LRRC4C: variants seen among roughly 807,000 people sequenced by gnomAD.
LRRC4C encodes the protein leucine rich repeat containing 4C, also known as leucine-rich repeat-containing protein 4C.
Under a neutral mutation model 33.6 loss-of-function variants are expected in LRRC4C, and 5 were observed. The ratio of observed to expected loss-of-function variants is 0.15; its 90% CI spans 0.08 to 0.31. The LOEUF (loss-of-function observed/expected upper bound fraction) is 0.31. Among genes scored for constraint, LRRC4C ranks in the 10% least tolerant of loss-of-function variants. LRRC4C has a pLI of 1.00. For synonymous variants in LRRC4C, 329 were observed against 302.0 expected (o/e 1.09, Z -0.93); for missense variants, 560 against 796.7 (o/e 0.70, Z 3.58).
At chr11:41,390,271 AAG>A (rs1390998732) in intron 1 of LRRC4C, among the ~76,000 whole-genome samples, 1 of 151,926 alleles carries the variant, frequency 6.6e-6, no homozygotes, top group South Asian at 2.1e-4. Flanking sequence ...ACAGGGCACT[AAG>A]AGGGATAAAT....
At chr11:40,914,611 G>A (rs1199488370) in intron 2 of LRRC4C, among the ~76,000 whole-genome samples, 1 of 152,034 alleles carries the variant, frequency 6.6e-6, no homozygotes, top group African/African-American at 2.4e-5. Flanking sequence ...GGCAAAAACT[G>A]GAAGCATTCC....
chr11:40,285,792 G>A (rs1030758325), intron 4 of LRRC4C, among the ~76,000 whole-genome samples: 11 of 152,128 alleles, frequency 7.2e-5, no homozygotes, highest in Non-Finnish European at 1.5e-4. Context: ...TTACATAATA[G>A]TGAACTGCTA....
At chr11:40,685,554 GAAT>G (rs1485030371) in intron 2 of LRRC4C, among the ~76,000 whole-genome samples, 3 of 151,690 alleles carry the variant, frequency 2.0e-5, no homozygotes, top group African/African-American at 7.3e-5. Flanking sequence ...AAAACACACA[GAAT>G]AATAATATAT....
At chr11:40,941,428 T>C (rs1298356494) in intron 1 of LRRC4C, among the ~76,000 whole-genome samples, 1 of 152,200 alleles carries the variant, frequency 6.6e-6, no homozygotes, top group Non-Finnish European at 1.5e-5. Flanking sequence ...GTGCTCAAAG[T>C]GATTAATCAA....
At chr11:41,122,007 A>C (rs910493080) in intron 1 of LRRC4C, among the ~76,000 whole-genome samples, 1 of 152,186 alleles carries the variant, frequency 6.6e-6, no homozygotes, top group Admixed American at 6.5e-5. Flanking sequence ...GGATAAATAA[A>C]GAAAAATGTA....
At chr11:40,541,589 T>C (rs1956710574) in intron 3 of LRRC4C, among the ~76,000 whole-genome samples, 1 of 152,172 alleles carries the variant, frequency 6.6e-6, no homozygotes. Flanking sequence ...GTCCCAATGT[T>C]CTGCTGCAAT....
chr11:40,960,211 G>A (rs1310185267), intron 1 of LRRC4C, among the ~76,000 whole-genome samples: 1 of 151,662 alleles, frequency 6.6e-6, no homozygotes, highest in Non-Finnish European at 1.5e-5. Flanking sequence ...CTATAAAAAT[G>A]TATTTTTAAA....
chr11:40,680,175 C>T lies in LRRC4C; in HGVS notation c.-406-31897G>A, dbSNP rs374953369. ...GGGGCCTTTAGCCTTTAAGCTTCGG[C>T]CAATTTCTCCCATTTGCAATGGCTG... On this transcript the variant is annotated intron_variant, in intron 2 of 6. Coordinates refer to ENST00000528697, the MANE Select transcript of LRRC4C (RefSeq NM_001258419.2). Among the ~76,000 whole-genome samples, 13 of 152,286 alleles carry T rather than the reference C, an allele frequency of 8.5e-5. No homozygotes were observed. In the East Asian group the frequency reaches 1.4e-3, roughly 16 times the overall value.
At chr11:40,118,810 T>C (rs190867079) in intron 6 of LRRC4C, among the ~76,000 whole-genome samples, 1 of 152,304 alleles carries the variant, frequency 6.6e-6, no homozygotes, top group Non-Finnish European at 1.5e-5. Flanking sequence ...AATTTTATAG[T>C]GCAGGCAACA....
chr11:40,406,108 A>AAT (rs1949954767), intron 3 of LRRC4C, among the ~76,000 whole-genome samples: 1 of 152,118 alleles, frequency 6.6e-6, no homozygotes, highest in Admixed American at 6.6e-5. Flanking sequence ...AACTTTATTC[A>AAT]AATAGCCTCT....
At chr11:40,928,007 T>C (rs1256097131) in intron 2 of LRRC4C, among the ~76,000 whole-genome samples, 1 of 152,138 alleles carries the variant, frequency 6.6e-6, no homozygotes, top group Non-Finnish European at 1.5e-5. Flanking sequence ...CCATAACTTT[T>C]ATGACCTAAA....
chr11:40,864,006 T>C (rs1230309277), intron 2 of LRRC4C, among the ~76,000 whole-genome samples: 1 of 152,060 alleles, frequency 6.6e-6, no homozygotes, highest in African/African-American at 2.4e-5. Context: ...AATAATTATA[T>C]TGATGGCAAA....
At chr11:40,740,409 G>A (rs1240721173) in intron 2 of LRRC4C, among the ~76,000 whole-genome samples, 2 of 151,734 alleles carry the variant, frequency 1.3e-5, no homozygotes, top group Non-Finnish European at 2.9e-5. Context: ...TGTTGTTGAG[G>A]AATTTTTAAT....
At chr11:40,668,922 C>T (rs1591420920) in intron 2 of LRRC4C, among the ~76,000 whole-genome samples, 1 of 152,122 alleles carries the variant, frequency 6.6e-6, no homozygotes. Context: ...GACAGAGCAT[C>T]AGTGATAACT....
intron 2 of LRRC4C, among the ~76,000 whole-genome samples, chr11:40,830,853 C>A (rs1225179562): frequency 6.6e-6 from 1 of 152,056 alleles, no homozygotes; most frequent in Non-Finnish European, 1.5e-5. Context: ...CTGAATTGAT[C>A]TATGGCAAAG....
chr11:40,676,506 C>T (rs938320639), intron 2 of LRRC4C, among the ~76,000 whole-genome samples: 2 of 152,142 alleles, frequency 1.3e-5, no homozygotes, highest in Non-Finnish European at 2.9e-5. Flanking sequence ...GTGTTTTATT[C>T]TGTTTCATTT....
chr11:41,324,878 TG>T (rs1208681496), intron 1 of LRRC4C, among the ~76,000 whole-genome samples: 11 of 152,216 alleles, frequency 7.2e-5, no homozygotes, highest in African/African-American at 2.7e-4. Context: ...TAGTAATATT[TG>T]GGGATTTTAC....
chr11:41,110,324 G>A (rs1459243848), intron 1 of LRRC4C, among the ~76,000 whole-genome samples: 2 of 151,970 alleles, frequency 1.3e-5, no homozygotes, highest in Non-Finnish European at 2.9e-5. Context: ...CTTAATAATA[G>A]CTAATATTTA....
chr11:40,780,943 A>G (rs1409921173), intron 2 of LRRC4C, among the ~76,000 whole-genome samples: 2 of 152,186 alleles, frequency 1.3e-5, no homozygotes, highest in African/African-American at 4.8e-5. Context: ...GAAAATGTAC[A>G]TACATAAACA....
Sources: gnomAD v4.1 joint callset for allele counts (sites outside exome capture counted in the v4.1 genomes callset) on GRCh38, gnomAD v4.1.1 for gene constraint, MANE v1.5 for transcripts, NCBI Gene and HGNC (gene_info 2026-07-23, HGNC 2026-07-21) for gene names.